CNTN5: variants seen among roughly 807,000 people sequenced by gnomAD.
CNTN5 encodes the protein contactin-5.
CNTN5 carries 77 observed loss-of-function variants against 129.1 expected under a neutral mutation model. The observed-to-expected ratio is 0.60, with a 90% CI of 0.50 to 0.72. The LOEUF (loss-of-function observed/expected upper bound fraction) is 0.72. CNTN5 is among the 30% of genes least tolerant of loss of function. The pLI, the probability that CNTN5 is intolerant of heterozygous loss-of-function variation, is 0.00. For synonymous variants in CNTN5, 509 were observed against 465.6 expected (o/e 1.09, Z -1.20); for missense variants, 1,478 against 1,328.8 (o/e 1.11, Z -1.75).
At chr11:100,249,346 A>G (rs1391674311) in intron 16 of CNTN5, among the ~76,000 whole-genome samples, 2 of 152,166 alleles carry the variant, frequency 1.3e-5, no homozygotes, top group Non-Finnish European at 2.9e-5. Flanking sequence ...GGAACCCTTT[A>G]TTGAGGCTAG....
chr11:99,728,846 G>A (rs892394114), intron 3 of CNTN5, among the ~76,000 whole-genome samples: 4 of 152,166 alleles, frequency 2.6e-5, no homozygotes, highest in South Asian at 2.1e-4. Context: ...AAGGAAAGAA[G>A]CATTTTGAGC....
At chr11:99,672,182 A>T (rs1441856885) in intron 3 of CNTN5, among the ~76,000 whole-genome samples, 1 of 152,124 alleles carries the variant, frequency 6.6e-6, no homozygotes, top group Non-Finnish European at 1.5e-5. Flanking sequence ...GCCCCATCAA[A>T]ACTGCCCATG....
At chr11:99,513,347 A>T (rs1946913055) in intron 2 of CNTN5, among the ~76,000 whole-genome samples, 1 of 152,174 alleles carries the variant, frequency 6.6e-6, no homozygotes, top group African/African-American at 2.4e-5. Flanking sequence ...GTGCTGACAT[A>T]GAAGCTGCAG....
intron 3 of CNTN5, among the ~76,000 whole-genome samples, chr11:99,794,765 C>T (rs1443563913): frequency 6.6e-6 from 1 of 152,106 alleles, no homozygotes; most frequent in Non-Finnish European, 1.5e-5. Context: ...TGTTTTCTGG[C>T]TTGTATGGTT....
At chr11:99,329,914 GAC>G (rs58544462) in intron 2 of CNTN5, among the ~76,000 whole-genome samples, 8,231 of 140,166 alleles carry the variant, frequency 0.059, 296 homozygotes, top group Admixed American at 0.11. Flanking sequence ...TACAAGCAGT[GAC>G]ACACACACAC....
At chr11:99,973,735 T>C (rs1937738258) in intron 8 of CNTN5, among the ~76,000 whole-genome samples, 1 of 152,240 alleles carries the variant, frequency 6.6e-6, no homozygotes. Flanking sequence ...TATTTTGTGA[T>C]CATTTTTATT....
At chr11:99,707,230 C>T (rs1050875488) in intron 3 of CNTN5, among the ~76,000 whole-genome samples, 1 of 151,378 alleles carries the variant, frequency 6.6e-6, no homozygotes, top group Non-Finnish European at 1.5e-5. Flanking sequence ...ATTTCAAATG[C>T]ACTGGAGAAG....
chr11:99,756,898 A>G lies in CNTN5; in HGVS notation c.56-62646A>G, dbSNP rs1944420641. Reference sequence around the variant, plus strand: ...AACTTAATATAGCCAGAAGTAATATAGAAAACAATAGAGGGTTTTTTTTTT... The same window carrying G: ...AACTTAATATAGCCAGAAGTAATATGGAAAACAATAGAGGGTTTTTTTTTT... On this transcript the variant is annotated intron_variant, in intron 3 of 24. Transcript: ENST00000524871. Among the ~76,000 whole-genome samples, 3 of 142,704 alleles carry G rather than the reference A, an allele frequency of 2.1e-5. No individual in the cohort carries two copies. The South Asian group carries it at 7.8e-4, about 37-fold the overall frequency. The allele number at this position is 142,704 out of a possible 152,430, so 93.6% of individuals were successfully genotyped here. A position where few individuals can be genotyped will look rare whatever the true frequency, so the allele number is the denominator to read the frequency against.
intron 3 of CNTN5, among the ~76,000 whole-genome samples, chr11:99,764,493 G>A (rs1437617406): frequency 7.9e-5 from 12 of 152,042 alleles, no homozygotes; most frequent in Admixed American, 3.9e-4. Flanking sequence ...TTGGCTCACT[G>A]CAACCTCCAC....
chr11:99,267,920 G>GCGCACA (rs905178705), intron 1 of CNTN5, among the ~76,000 whole-genome samples: 3 of 140,432 alleles, frequency 2.1e-5, no homozygotes, highest in African/African-American at 2.6e-5. Context: ...ACACACACAC[G>GCGCACA]CACACACACA....
rs1225703481 is a variant in CNTN5 at position 99,167,547 on chromosome 11, A to T, written c.-210+146277A>T. ...GCTATGATACTTGAGAGTTAATTAC[A>T]TTTGTGATATGCTCTATTGGGAATG... On this transcript the variant is annotated intron_variant, in intron 1 of 24. Transcript: ENST00000524871. Among the ~76,000 whole-genome samples, 3 of 152,232 alleles carry T rather than the reference A, an allele frequency of 2.0e-5. No homozygotes were observed. The South Asian group carries it at 6.2e-4, about 32-fold the overall frequency.
At chr11:99,844,371 G>T (rs867790140) in intron 4 of CNTN5, among the ~76,000 whole-genome samples, 3 of 152,042 alleles carry the variant, frequency 2.0e-5, no homozygotes, top group Admixed American at 1.3e-4. Flanking sequence ...TAAATGTAGT[G>T]CTTCAGTGAA....
intron 3 of CNTN5, among the ~76,000 whole-genome samples, chr11:99,815,319 T>A (rs1432779842): frequency 6.6e-6 from 1 of 150,962 alleles, no homozygotes; most frequent in Non-Finnish European, 1.5e-5. Context: ...TCCCACTTAT[T>A]TATGCTAATA....
chr11:99,843,956 A>T (rs1947598443), intron 4 of CNTN5, among the ~76,000 whole-genome samples: 1 of 152,236 alleles, frequency 6.6e-6, no homozygotes, highest in Non-Finnish European at 1.5e-5. Flanking sequence ...GTGGGCTGAC[A>T]TAACTTGTAT....
chr11:100,300,329 A>G (rs1303432233), intron 20 of CNTN5, among the ~76,000 whole-genome samples: 2 of 151,446 alleles, frequency 1.3e-5, no homozygotes, highest in African/African-American at 4.8e-5. Flanking sequence ...ATTCAAATTC[A>G]GGATTTCAGT....
intron 1 of CNTN5, among the ~76,000 whole-genome samples, chr11:99,214,490 G>A (rs1860018192): frequency 6.6e-6 from 1 of 150,500 alleles, no homozygotes; most frequent in Non-Finnish European, 1.5e-5. Flanking sequence ...TATTATCTCT[G>A]TGAACTTTGA....
chr11:100,177,170 T>C (rs1591358698), intron 13 of CNTN5, among the ~76,000 whole-genome samples: 1 of 152,030 alleles, frequency 6.6e-6, no homozygotes, highest in Non-Finnish European at 1.5e-5. Flanking sequence ...AAAAATTCAA[T>C]AGGCTTATCC....
At chr11:100,350,331 C>CT (rs1208259849) in intron 23 of CNTN5, among the ~76,000 whole-genome samples, 1 of 151,688 alleles carries the variant, frequency 6.6e-6, no homozygotes, top group East Asian at 1.9e-4. Context: ...CATATATCCC[C>CT]TCTCCATTCC....
At chr11:99,623,631 A>C (rs1951027961) in intron 3 of CNTN5, among the ~76,000 whole-genome samples, 1 of 152,066 alleles carries the variant, frequency 6.6e-6, no homozygotes, top group African/African-American at 2.4e-5. Context: ...GTCTAATCCA[A>C]GAATGTCATA....
Sources: gnomAD v4.1 joint callset for allele counts (sites outside exome capture counted in the v4.1 genomes callset) on GRCh38, gnomAD v4.1.1 for gene constraint, MANE v1.5 for transcripts, NCBI Gene and HGNC (gene_info 2026-07-23, HGNC 2026-07-21) for gene names.